Variants in MACF1 observed in about 807,000 individuals in gnomAD.
The protein encoded by MACF1 is microtubule actin crosslinking factor 1.
Under a neutral mutation model 854.8 loss-of-function variants are expected in MACF1, and 193 were observed. The ratio of observed to expected loss-of-function variants is 0.23; its 90% CI spans 0.20 to 0.25. The LOEUF (loss-of-function observed/expected upper bound fraction) is 0.25, where lower values mean the gene tolerates loss of function less well. MACF1 is among the 10% of genes least tolerant of loss of function. The pLI, the probability that MACF1 is intolerant of heterozygous loss-of-function variation, is 1.00. For missense variants in MACF1, 7,722 were observed against 8,929.1 expected (o/e 0.86, Z 5.45); for synonymous variants, 3,185 against 3,226.7 (o/e 0.99, Z 0.44).
intron 23 of MACF1, among the ~76,000 whole-genome samples, chr1:39,308,514 T>C (rs1646235437): frequency 6.6e-6 from 1 of 152,158 alleles, no homozygotes; most frequent in South Asian, 2.1e-4. Context: ...TTTTCTCAAC[T>C]TGAAGAAATT....
rs756371368 is a variant in MACF1, at chr1:39,379,378, A to G, written c.13452A>G (p.Lys4484=). ...TGGAATCAAAAGAGGAAGTCCTGAA[A>G]TCCATGGATGCCATGTCATCTCCAA... ...QWLESKEEVL[K]SMDAMSSPTK... Residue 4484 remains lysine (K), a synonymous_variant, in exon 54 of 101, where the codon AAA becomes AAG. Coordinates refer to ENST00000564288, the MANE Select transcript of MACF1 (RefSeq NM_001394062.1). 1 of 1,614,168 alleles carries G rather than the reference A, an allele frequency of 6.2e-7. No homozygotes were observed. The highest frequency in any genetic ancestry group is 8.5e-7 in the Non-Finnish European group (1 of 1,180,018).
intron 1 of MACF1, among the ~76,000 whole-genome samples, chr1:39,211,859 C>T (rs989970979): frequency 6.6e-6 from 1 of 151,728 alleles, no homozygotes; most frequent in African/African-American, 2.4e-5. Context: ...CTAGCCTGGG[C>T]AACAGAGCAA....
chr1:39,393,849 G>GAC (rs1642157874), intron 58 of MACF1, among the ~76,000 whole-genome samples: 2 of 144,080 alleles, frequency 1.4e-5, no homozygotes, highest in Non-Finnish European at 3.0e-5. Flanking sequence ...GAGGGAGGGA[G>GAC]AGAGAGAGAG....
chr1:39,124,842 A>C (rs1571071426), intron 2 of MACF1, among the ~76,000 whole-genome samples: 1 of 152,250 alleles, frequency 6.6e-6, no homozygotes, highest in Non-Finnish European at 1.5e-5. Flanking sequence ...CAGAACAAAC[A>C]GGTTAAGTGA....
chr1:39,453,980 T>A (rs898468130), intron 88 of MACF1, 130 bp downstream of exon 88: 1 of 1,141,510 alleles, frequency 8.8e-7, no homozygotes, highest in Non-Finnish European at 1.2e-6. Flanking sequence ...TAAGTTAACA[T>A]TTTAGTAAAG....
In MACF1 at chr1:39,387,811, A is replaced by G. The variant is rs761066850; in HGVS notation, c.14969A>G (p.Asn4990Ser). 5 of 1,614,158 alleles carry G rather than the reference A, an allele frequency of 3.1e-6. No homozygotes were observed. The highest frequency in any genetic ancestry group is 3.4e-6 in the Non-Finnish European group (4 of 1,180,026). Residue 4990 changes from asparagine to serine, a missense_variant, in exon 58 of 101, where the codon AAC (asparagine) becomes AGC (serine). Asn to Ser is a conservative substitution (Grantham distance 46). Coordinates refer to ENST00000564288, the MANE Select transcript of MACF1 (RefSeq NM_001394062.1). ...IRDEKAGINQ[N>S]MDAVTEELQA... ...GATGAGAAGGCTGGGATCAACCAGAACATGGATGCTGTTACAGAAGAGCTG... is the reference window on the plus strand; with the variant it reads ...GATGAGAAGGCTGGGATCAACCAGAGCATGGATGCTGTTACAGAAGAGCTG...
At chr1:39,289,194 CA>C (rs1392772269) in intron 15 of MACF1, among the ~76,000 whole-genome samples, 1 of 152,160 alleles carries the variant, frequency 6.6e-6, no homozygotes, top group Non-Finnish European at 1.5e-5. Flanking sequence ...AGTGGTGCAA[CA>C]AATGTGGGAA....
intron 97 of MACF1, among the ~76,000 whole-genome samples, chr1:39,470,709 T>C (rs898927818): frequency 4.6e-5 from 7 of 152,252 alleles, no homozygotes; most frequent in African/African-American, 1.7e-4. Flanking sequence ...ATTTAAAAGC[T>C]GTCTTTTATT....
At position 39,284,378 on chromosome 1, in the gene MACF1, G is replaced by A. The variant is rs1645606431; in HGVS notation, c.1081G>A (p.Ala361Thr). 1 of 1,601,624 alleles carries A rather than the reference G, an allele frequency of 6.2e-7. No individual in the cohort carries two copies. The highest frequency in any genetic ancestry group is 1.1e-5 in the South Asian group (1 of 89,696). ...ACACTTCAAAGAAACAGAAATTCTG[G>A]CCAAGGAGAGAGAAAAAGGAAGAAT... ...YIHFKETEIL[A>T]KEREKGRIEE... is the part of the protein sequence containing the mutation. The change falls in exon 11 of 101, where the codon GCC becomes ACC. Residue 361 changes from alanine (A) to threonine (T), a missense_variant. Ala to Thr is a moderately conservative substitution (Grantham distance 58). Transcript: ENST00000564288.
chr1:39,148,070 T>G (rs955263652), intron 2 of MACF1, among the ~76,000 whole-genome samples: 2 of 152,242 alleles, frequency 1.3e-5, no homozygotes, highest in Admixed American at 6.5e-5. Context: ...CCTGCTTCTT[T>G]CCTTCTACCC....
At chr1:39,210,379 TA>T (rs1024948276) in intron 1 of MACF1, among the ~76,000 whole-genome samples, 282 of 145,752 alleles carry the variant, frequency 1.9e-3, no homozygotes, top group Admixed American at 2.9e-3. Flanking sequence ...TTCCTTTTTT[TA>T]AAAAAAAAAA....
chr1:39,486,676 C>T lies in MACF1; in HGVS notation c.*882C>T, dbSNP rs1277035868. The T allele has an allele frequency of 1.3e-5, 2 of 152,576 alleles. No homozygotes were observed. Among genetic ancestry groups the T allele is most frequent in the African/African-American group, 4.8e-5 (2 of 41,410 alleles). The allele number at this position is 152,576 out of a possible 1,614,324, so 9.5% of individuals were successfully genotyped here. On this transcript the variant is annotated 3_prime_UTR_variant, in exon 101 of 101. Transcript: ENST00000564288. ...TTCCCACAAACTGAGGAATGAATTC[C>T]ACGAGCCTGTTCTGAAAATGTGGAC...
chr1:39,215,553 C>T (rs530197334), intron 1 of MACF1: 5 of 152,114 alleles, frequency 3.3e-5, no homozygotes, highest in Admixed American at 6.6e-5. Context: ...AACCTTTAGG[C>T]TTGTTAAAAT....
chr1:39,379,381 C>G lies in MACF1; in HGVS notation c.13455C>G (p.Ser4485=). 2 of 1,614,104 alleles carry G rather than the reference C, an allele frequency of 1.2e-6. No individual in the cohort carries two copies. Among genetic ancestry groups the G allele is most frequent in the East Asian group, 4.5e-5 (2 of 44,876 alleles). ...WLESKEEVLK[S]MDAMSSPTKT... ...AATCAAAAGAGGAAGTCCTGAAATC[C>G]ATGGATGCCATGTCATCTCCAACCA... is the stretch of plus-strand genomic sequence containing the variant. Residue 4485 remains serine, a synonymous_variant, in exon 54 of 101, where the codon TCC becomes TCG. Coordinates refer to ENST00000564288, the MANE Select transcript of MACF1 (RefSeq NM_001394062.1).
Position 39,349,566 on chromosome 1 carries a change from A to G in MACF1, c.10904A>G (p.His3635Arg). ...CAGGCAGAAAGAGCACTGGCAGGCC[A>G]CCAAGGCAGAACCACCCAGCAGGAT... ...VGQAERALAG[H>R]QGRTTQQDLS... is the part of the protein sequence containing the mutation. Residue 3635 changes from histidine to arginine, a missense_variant, in exon 42 of 101, where the codon CAC becomes CGC. This residue lies in a region of MACF1 where 2,807 missense variants were observed against 3,235.8 expected (regional missense o/e 0.87). Transcript: ENST00000564288. 6.2e-7 allele frequency: 1 copy of G among 1,614,240 alleles called. No individual in the cohort carries two copies. Among genetic ancestry groups the G allele is most frequent in the African/African-American group, 1.3e-5 (1 of 75,072 alleles).
At chr1:39,269,043 G>C in intron 6 of MACF1, 2 of 1,289,464 alleles carry the variant, frequency 1.6e-6, no homozygotes, top group Non-Finnish European at 2.0e-6. Flanking sequence ...CCAAGGGGAG[G>C]TCCAGACCGC....
chr1:39,110,648 T>G (rs573460400), intron 2 of MACF1, among the ~76,000 whole-genome samples: 2 of 152,284 alleles, frequency 1.3e-5, no homozygotes, highest in South Asian at 4.1e-4. Flanking sequence ...CACTGTTAAT[T>G]CAGAAAGTGA....
chr1:39,210,840 CT>C (rs1644506166), intron 1 of MACF1, among the ~76,000 whole-genome samples: 1 of 152,112 alleles, frequency 6.6e-6, no homozygotes, highest in Non-Finnish European at 1.5e-5. Flanking sequence ...ATTAGTTTAT[CT>C]GGGCCTCTGT....
In MACF1 at chr1:39,284,173, T is replaced by G. The variant is rs766231261; in HGVS notation, c.1023T>G (p.Pro341=). ...LMSDKTFPQN[P]VELKALYNQY... is the part of the protein sequence containing the mutation. The stretch of plus-strand genomic sequence containing the variant: ...CAGATAAAACTTTTCCCCAAAACCC[T>G]GTTGAACTAAAGGTAAAGTCAAGGA... The change falls in exon 10 of 101, where the codon CCT becomes CCG. Residue 341 remains proline, a synonymous_variant. Coordinates refer to ENST00000564288, the MANE Select transcript of MACF1 (RefSeq NM_001394062.1). The G allele has an allele frequency of 6.2e-7, 1 of 1,613,308 alleles. No individual in the cohort carries two copies. The highest frequency in any genetic ancestry group is 1.3e-5 in the African/African-American group (1 of 75,010).
Sources: gnomAD v4.1 joint callset for allele counts (sites outside exome capture counted in the v4.1 genomes callset) on GRCh38, gnomAD v4.1.1 for gene constraint, gnomAD v4.1.1 regional missense constraint, MANE v1.5 for transcripts, NCBI Gene and HGNC (gene_info 2026-07-23, HGNC 2026-07-21) for gene names.